Variants in DMRT2 observed in about 807,000 individuals in gnomAD.
The protein encoded by DMRT2 is doublesex- and mab-3-related transcription factor 2.
DMRT2 carries 33 observed loss-of-function variants against 43.5 expected under a neutral mutation model. The ratio of observed to expected loss-of-function variants is 0.76; its 90% CI spans 0.58 to 1.01. The LOEUF (loss-of-function observed/expected upper bound fraction) is 1.01. Ranked by LOEUF, DMRT2 falls within the 50% of genes least tolerant of loss-of-function variation. The probability of loss-of-function intolerance (pLI) is 0.00; values close to 1 mark genes in which losing one functional copy is unlikely to be tolerated. For missense variants in DMRT2, 1,064 were observed against 748.0 expected (o/e 1.42, Z -4.93); for synonymous variants, 395 against 309.2 (o/e 1.28, Z -2.91).
chr9:1,055,523 G>C (rs1586738881), intron 3 of DMRT2, among the ~76,000 whole-genome samples: 1 of 149,896 alleles, frequency 6.7e-6, no homozygotes. Context: ...CGCCTTTTTT[G>C]AGTTTTGTTT....
At chr9:1,055,789 A>C (rs567611497) in intron 3 of DMRT2, 1 of 1,512,716 alleles carries the variant, frequency 6.6e-7, no homozygotes, top group East Asian at 2.4e-5. Context: ...TAAAAGTGAC[A>C]TCAGCTCTAG....
At chr9:1,056,099 G>C in intron 3 of DMRT2, 117 bp from the exon 4 acceptor site, 2 of 1,499,578 alleles carry the variant, frequency 1.3e-6, no homozygotes, top group East Asian at 2.3e-5. Context: ...ATATCAGTGA[G>C]ATGGAACTGT....
chr9:1,053,465 A>C (rs869939), intron 2 of DMRT2, among the ~76,000 whole-genome samples: 20,772 of 152,208 alleles, frequency 0.14, 2,533 homozygotes, highest in African/African-American at 0.33. Context: ...GCGTATATCT[A>C]GAGTGATTAG....
Position 1,056,352 on chromosome 9 carries a change from A to G in DMRT2, c.765A>G (p.Lys255=). Residue 255 remains lysine (K), a synonymous_variant, in exon 4 of 4, where the codon AAA becomes AAG. Coordinates refer to ENST00000358146, the MANE Select transcript of DMRT2 (RefSeq NM_181872.6). ...LENIMLEREY[K]EREMLETSQA... ...ACATTATGCTGGAGAGAGAATATAA[A>G]GAAAGGGAGATGTTGGAAACTTCTC... The G allele has an allele frequency of 6.2e-7, 1 of 1,614,238 alleles. No homozygotes were observed. Among genetic ancestry groups the G allele is most frequent in the Admixed American group, 1.7e-5 (1 of 60,026 alleles).
rs137937636 is a variant in DMRT2, at chr9:1,056,327, A to C, written c.740A>C (p.Asn247Thr). The change falls in exon 4 of 4, where the codon AAC becomes ACC. Residue 247 changes from asparagine (N) to threonine (T), a missense_variant. Asn to Thr is a moderately conservative substitution (Grantham distance 65). Transcript: ENST00000358146. ...RRAFADKELENIMLEREYKER... is the reference protein window; with the variant it reads ...RRAFADKELETIMLEREYKER... ...GCCTTTGCTGATAAAGAGTTGGAGA[A>C]CATTATGCTGGAGAGAGAATATAAA... 139 of 1,614,120 alleles carry C rather than the reference A, an allele frequency of 8.6e-5. No individual in the cohort carries two copies. The highest frequency in any genetic ancestry group is 1.1e-4 in the Non-Finnish European group (129 of 1,180,060).
At chr9:1,052,253 C>T (rs569872040) in intron 2 of DMRT2, 115 bp downstream of exon 2, 17 of 767,258 alleles carry the variant, frequency 2.2e-5, no homozygotes, top group Middle Eastern at 8.6e-4. Flanking sequence ...GCCTGGCACT[C>T]CCTAGGAAGG....
Position 1,052,127 on chromosome 9 carries a change from C to A in DMRT2, c.514C>A (p.Gln172Lys). The change falls in exon 2 of 4, where the codon CAG becomes AAG. Residue 172 changes from glutamine (Q) to lysine (K), a missense_variant. By Grantham distance (53) the Gln-to-Lys change is moderately conservative. Transcript: ENST00000358146. Reference protein sequence around the residue: ...MAAQVALRRQQATEDKKGLSG... With the variant: ...MAAQVALRRQKATEDKKGLSG... ...CGCCCAGGTGGCGCTCCGGAGGCAG[C>A]AGGCCACCGAGGTGCGTACCCGCCC... 2 of 1,408,246 alleles carry A rather than the reference C, an allele frequency of 1.4e-6. No homozygotes were observed. The highest frequency in any genetic ancestry group is 3.0e-5 in the South Asian group (2 of 66,738). The allele number at this position is 1,408,246 out of a possible 1,614,324, so 87.2% of individuals were successfully genotyped here.
At chr9:1,052,705 A>G (rs1821684712) in intron 2 of DMRT2, among the ~76,000 whole-genome samples, 1 of 152,118 alleles carries the variant, frequency 6.6e-6, no homozygotes, top group African/African-American at 2.4e-5. Context: ...TGTCCCTGCA[A>G]ACTACCTAAG....
rs146385338 is a variant in DMRT2, at chr9:1,057,131, C to A, written c.1544C>A (p.Thr515Lys). ...ECLVKDNQKY[T>K]FTIDRCAKDL... ...TTAGTTAAGGACAACCAGAAGTACA[C>A]ATTTACAATAGATAGATGTGCAAAA... The change falls in exon 4 of 4, where the codon ACA (threonine) becomes AAA (lysine). Residue 515 changes from threonine (T) to lysine (K), a missense_variant. Transcript: ENST00000358146. The A allele has an allele frequency of 1.5e-5, 25 of 1,613,958 alleles. No homozygotes were observed. The highest frequency in any genetic ancestry group is 5.0e-5 in the Admixed American group (3 of 60,000).
rs761523956 is a variant in DMRT2, at chr9:1,057,133, T to C, written c.1546T>C (p.Phe516Leu). Residue 516 changes from phenylalanine (F) to leucine (L), a missense_variant, in exon 4 of 4, where the codon TTT becomes CTT. Physicochemically the swap from Phe to Leu is conservative, Grantham distance 22. Transcript: ENST00000358146. ...CLVKDNQKYT[F>L]TIDRCAKDLF... ...AGTTAAGGACAACCAGAAGTACACATTTACAATAGATAGATGTGCAAAAGA... is the reference window on the plus strand; with the variant it reads ...AGTTAAGGACAACCAGAAGTACACACTTACAATAGATAGATGTGCAAAAGA... The C allele has an allele frequency of 6.2e-7, 1 of 1,613,946 alleles. No individual in the cohort carries two copies.
At chr9:1,053,996 T>A (rs1821796712) in intron 3 of DMRT2, among the ~76,000 whole-genome samples, 172 bp downstream of exon 3, 1 of 152,208 alleles carries the variant, frequency 6.6e-6, no homozygotes, top group Admixed American at 6.5e-5. Context: ...ACTGAACCCG[T>A]ACGGAGAAGA....
In DMRT2 at chr9:1,050,704, A is replaced by C. The variant is rs1216923456; in HGVS notation, c.-116A>C. ...CCGATTTCTGTTTGCATGCACAGCCAGCAGCCCTAGCGCCAGATCCTAAAG... is the reference window on the plus strand; with the variant it reads ...CCGATTTCTGTTTGCATGCACAGCCCGCAGCCCTAGCGCCAGATCCTAAAG... On this transcript the variant is annotated 5_prime_UTR_variant, in exon 1 of 4. Transcript: ENST00000358146. 6.6e-6 allele frequency: 1 copy of C among 152,300 alleles called. No individual in the cohort carries two copies. Among genetic ancestry groups the C allele is most frequent in the Non-Finnish European group, 1.5e-5 (1 of 68,096 alleles). 9.4% of individuals were successfully genotyped at this position (152,300 alleles called of 1,614,324 possible). A position where few individuals can be genotyped will look rare whatever the true frequency, so the allele number is the denominator to read the frequency against.
intron 2 of DMRT2, 38 bp downstream of exon 2, chr9:1,052,176 T>C: frequency 7.6e-7 from 1 of 1,320,562 alleles, no homozygotes; most frequent in Non-Finnish European, 9.6e-7. Flanking sequence ...CAGGCCACAG[T>C]GGAGGTGGGG....
rs1031631742 is a variant in DMRT2 at position 1,056,761 on chromosome 9, G to T, written c.1174G>T (p.Asp392Tyr). The change falls in exon 4 of 4, where the codon GAC becomes TAC. Residue 392 changes from aspartate (D) to tyrosine (Y), a missense_variant. Transcript: ENST00000358146. ...RVQDGLSAEQ[D>Y]MMPSKLEGSL... ...CCAGGATGGACTCAGTGCAGAGCAGGACATGATGCCATCGAAATTGGAAGG... is the reference window on the plus strand; with the variant it reads ...CCAGGATGGACTCAGTGCAGAGCAGTACATGATGCCATCGAAATTGGAAGG... The T allele has an allele frequency of 1.1e-5, 18 of 1,613,982 alleles. No individual in the cohort carries two copies. The highest frequency in any genetic ancestry group is 1.4e-5 in the Non-Finnish European group (17 of 1,180,038).
intron 3 of DMRT2, 138 bp downstream of exon 3, chr9:1,053,962 TG>T: frequency 1.5e-6 from 1 of 673,922 alleles, no homozygotes; most frequent in Non-Finnish European, 2.4e-6. Context: ...TTTGTTTAGG[TG>T]TTCGCTGAGC....
At chr9:1,052,724 G>C (rs976172062) in intron 2 of DMRT2, among the ~76,000 whole-genome samples, 4 of 152,184 alleles carry the variant, frequency 2.6e-5, no homozygotes, top group Admixed American at 6.5e-5. Flanking sequence ...AGAGCAAGGG[G>C]AGGGTCTCTG....
intron 2 of DMRT2, among the ~76,000 whole-genome samples, chr9:1,052,717 G>C (rs908148193): frequency 2.0e-5 from 3 of 152,166 alleles, no homozygotes; most frequent in African/African-American, 7.2e-5. Context: ...CTACCTAAGA[G>C]CAAGGGGAGG....
chr9:1,055,545 A>T (rs1055515105), intron 3 of DMRT2, among the ~76,000 whole-genome samples: 6 of 150,690 alleles, frequency 4.0e-5, no homozygotes, highest in African/African-American at 1.2e-4. Context: ...ATTTTATTTT[A>T]TTTTTTTTTG....
At position 1,056,498 on chromosome 9, in the gene DMRT2, C is replaced by G. The variant is rs1325411950; in HGVS notation, c.911C>G (p.Pro304Arg). The change falls in exon 4 of 4, where the codon CCC (proline) becomes CGC (arginine). Residue 304 changes from proline to arginine, a missense_variant. Physicochemically the swap from Pro to Arg is moderately radical, Grantham distance 103. Transcript: ENST00000358146. The stretch of plus-strand genomic sequence containing the variant: ...AGCAAGGACTTCTGTAATTTTTTGC[C>G]CACCTGCCTTGATTTAACCATGCAG... ...PPSKDFCNFLPTCLDLTMQYS... is the reference protein window; with the variant it reads ...PPSKDFCNFLRTCLDLTMQYS... The G allele has an allele frequency of 2.5e-6, 4 of 1,614,042 alleles. No homozygotes were observed. In the African/African-American group the frequency reaches 5.3e-5, roughly 22 times the overall value.
Sources: gnomAD v4.1 joint callset for allele counts (sites outside exome capture counted in the v4.1 genomes callset) on GRCh38, gnomAD v4.1.1 for gene constraint, MANE v1.5 for transcripts, NCBI Gene and HGNC (gene_info 2026-07-23, HGNC 2026-07-21) for gene names.